The following CACNA2D3 variants were observed in gnomAD, a reference collection of about 807,000 sequenced individuals.
CACNA2D3 encodes calcium voltage-gated channel auxiliary subunit alpha2delta 3.
In CACNA2D3, 60 loss-of-function variants were observed where a neutral mutation model predicts 160.6. That is an observed-to-expected ratio of 0.37 (90% CI 0.30 to 0.46). CACNA2D3 has a LOEUF of 0.46. Among genes scored for constraint, CACNA2D3 ranks in the 20% least tolerant of loss-of-function variants. The pLI is 1.00. For missense variants in CACNA2D3, 1,205 were observed against 1,365.0 expected (o/e 0.88, Z 1.85); for synonymous variants, 558 against 492.9 (o/e 1.13, Z -1.75).
At chr3:54,165,312 G>A (rs1466652492) in intron 2 of CACNA2D3, among the ~76,000 whole-genome samples, 2 of 151,862 alleles carry the variant, frequency 1.3e-5, no homozygotes, top group Non-Finnish European at 2.9e-5. Flanking sequence ...GGTTGGTGGT[G>A]GAACTGTCCC....
chr3:54,516,511 C>T lies in CACNA2D3; in HGVS notation c.544+12857C>T, dbSNP rs182354261. Among the ~76,000 whole-genome samples, 26 of 152,298 alleles carry T rather than the reference C, an allele frequency of 1.7e-4. No individual in the cohort carries two copies. The East Asian group carries it at 5.0e-3, about 29-fold the overall frequency. ...ACACATGTAGATATTTGCATGTCTCCATAGGCATAGAGATGCAACACACTG... is the reference window on the plus strand; with the variant it reads ...ACACATGTAGATATTTGCATGTCTCTATAGGCATAGAGATGCAACACACTG... On this transcript the variant is annotated intron_variant, in intron 5 of 37. Transcript: ENST00000474759.
At chr3:54,915,954 A>G (rs1198821831) in intron 27 of CACNA2D3, among the ~76,000 whole-genome samples, 1 of 152,212 alleles carries the variant, frequency 6.6e-6, no homozygotes, top group Non-Finnish European at 1.5e-5. Flanking sequence ...CAAGGATTCT[A>G]GTCACGTTCA....
At chr3:54,918,959 C>T in intron 27 of CACNA2D3, 2 of 1,334,960 alleles carry the variant, frequency 1.5e-6, no homozygotes, top group Non-Finnish European at 9.9e-7. Context: ...AATCCTCTGC[C>T]TGCAAAAACT....
At chr3:55,063,416 CT>C (rs1193168636) in intron 35 of CACNA2D3, among the ~76,000 whole-genome samples, 5 of 151,962 alleles carry the variant, frequency 3.3e-5, no homozygotes, top group Non-Finnish European at 7.4e-5. Context: ...TGCCTTGGTC[CT>C]TCTTGCAAGG....
chr3:54,840,561 C>T (rs1055278284), intron 16 of CACNA2D3, among the ~76,000 whole-genome samples: 12 of 151,494 alleles, frequency 7.9e-5, no homozygotes, highest in African/African-American at 2.9e-4. Flanking sequence ...CAGGTGCACG[C>T]CACCATGCCT....
intron 3 of CACNA2D3, among the ~76,000 whole-genome samples, chr3:54,339,481 C>T (rs1170541865): frequency 1.3e-5 from 2 of 152,092 alleles, no homozygotes; most frequent in Admixed American, 6.5e-5. Context: ...TCATAGAACT[C>T]GTCAGTATTT....
chr3:54,955,274 G>A (rs1253510497), intron 27 of CACNA2D3, among the ~76,000 whole-genome samples: 2 of 152,032 alleles, frequency 1.3e-5, no homozygotes, highest in South Asian at 2.1e-4. Flanking sequence ...CAGGGACAAA[G>A]GTTGTCTTAT....
chr3:54,950,173 C>G (rs1701722280), intron 27 of CACNA2D3, among the ~76,000 whole-genome samples: 1 of 152,232 alleles, frequency 6.6e-6, no homozygotes, highest in Non-Finnish European at 1.5e-5. Context: ...TATTTCCATA[C>G]AGCCGAGGTA....
chr3:54,628,689 T>C (rs1699173647), intron 10 of CACNA2D3, among the ~76,000 whole-genome samples: 1 of 152,074 alleles, frequency 6.6e-6, no homozygotes, highest in South Asian at 2.1e-4. Context: ...GTATTTTAAA[T>C]AGTAGGAGTT....
rs141372506 is a variant in CACNA2D3, at chr3:54,562,934, G to T, written c.676+3G>T. 1 of 1,612,750 alleles carries T rather than the reference G, an allele frequency of 6.2e-7. No homozygotes were observed. The highest frequency in any genetic ancestry group is 1.1e-5 in the South Asian group (1 of 90,916). ...GGGCTTTTTTAGGCAGTATCCGGGT[G>T]AGTATACCTGCATTGACAGTTATGA... is the stretch of plus-strand genomic sequence containing the variant. On this transcript the variant is annotated splice_donor_region_variant and intron_variant, in intron 6 of 37. Coordinates refer to ENST00000474759, the MANE Select transcript of CACNA2D3 (RefSeq NM_018398.3).
At chr3:54,418,626 A>C (rs1699793665) in intron 4 of CACNA2D3, among the ~76,000 whole-genome samples, 1 of 152,212 alleles carries the variant, frequency 6.6e-6, no homozygotes, top group South Asian at 2.1e-4. Context: ...ATGTCTTCTG[A>C]AAACAGAAAG....
intron 5 of CACNA2D3, among the ~76,000 whole-genome samples, chr3:54,546,084 T>C (rs944669555): frequency 6.6e-6 from 1 of 152,096 alleles, no homozygotes; most frequent in Non-Finnish European, 1.5e-5. Context: ...TGACTGTAAG[T>C]GCTATGGCAA....
chr3:54,798,388 T>A (rs1211542125), intron 13 of CACNA2D3, among the ~76,000 whole-genome samples: 2 of 151,798 alleles, frequency 1.3e-5, no homozygotes, highest in African/African-American at 4.8e-5. Flanking sequence ...CCAAAAAAAA[T>A]AGCCAGGCGC....
intron 17 of CACNA2D3, among the ~76,000 whole-genome samples, chr3:54,861,696 A>G (rs1264105578): frequency 2.0e-5 from 3 of 152,256 alleles, no homozygotes; most frequent in Non-Finnish European, 2.9e-5. Flanking sequence ...GCTGACGGCA[A>G]GATTGATATG....
At chr3:54,252,709 C>G (rs1288915899) in intron 2 of CACNA2D3, among the ~76,000 whole-genome samples, 1 of 152,178 alleles carries the variant, frequency 6.6e-6, no homozygotes, top group East Asian at 1.9e-4. Context: ...CCTGCCATCT[C>G]CCTGTGTCCC....
At chr3:54,348,407 C>G (rs1480052236) in intron 3 of CACNA2D3, among the ~76,000 whole-genome samples, 2 of 152,138 alleles carry the variant, frequency 1.3e-5, no homozygotes, top group African/African-American at 4.8e-5. Flanking sequence ...GACAGAGTCT[C>G]CATACTCAAG....
At chr3:54,760,713 A>G (rs907335969) in intron 12 of CACNA2D3, among the ~76,000 whole-genome samples, 2 of 152,094 alleles carry the variant, frequency 1.3e-5, no homozygotes, top group African/African-American at 4.8e-5. Flanking sequence ...AGATAGGACC[A>G]GAAGAACATG....
In CACNA2D3 at chr3:54,838,646, A is replaced by C. The variant is rs753105442; in HGVS notation, c.1549A>C (p.Lys517Gln). ...KELLKTIPKY[K>Q]LGIHGYAFAI... ...ACTTCTGAAGACCATCCCCAAATAC[A>C]AGGTAATGAATGACCTAATCCCTGA... The change falls in exon 16 of 38, where the codon AAG (lysine) becomes CAG (glutamine). Residue 517 changes from lysine (K) to glutamine (Q), a missense_variant and splice_region_variant. By Grantham distance (53) the Lys-to-Gln change is moderately conservative (BLOSUM62 1). Around this residue, in one of 3 missense-constraint regions of CACNA2D3, gnomAD observed 911 missense variants for 1,002.2 expected, o/e 0.91. Coordinates refer to ENST00000474759, the MANE Select transcript of CACNA2D3 (RefSeq NM_018398.3). 1.1e-5 allele frequency: 17 copies of C among 1,605,938 alleles called. No individual in the cohort carries two copies. The South Asian group carries it at 1.8e-4, about 17-fold the overall frequency.
Position 54,642,359 on chromosome 3 carries a change from T to G in CACNA2D3, c.1167+118T>G, listed in dbSNP as rs531775317. The G allele has an allele frequency of 4.6e-5, 25 of 538,144 alleles. No homozygotes were observed. The South Asian group carries it at 9.9e-4, about 21-fold the overall frequency. The allele number at this position is 538,144 out of a possible 1,614,324, so 33.3% of individuals were successfully genotyped here. On this transcript the variant is annotated intron_variant, in intron 11 of 37. Transcript: ENST00000474759. ...CTTAATCTCATAATGATCTGTGGTT[T>G]CTCAGCCTTGTGTTTTTTGGTTGAC...
Sources: allele counts gnomAD v4.1 joint callset (sites outside exome capture counted in the v4.1 genomes callset), GRCh38; gene constraint gnomAD v4.1.1; regional missense constraint gnomAD v4.1.1; transcripts MANE v1.5; gene names NCBI Gene and HGNC (gene_info 2026-07-23, HGNC 2026-07-21).